Variants in LDLRAD3 observed in about 807,000 individuals in gnomAD.
The protein encoded by LDLRAD3 is low-density lipoprotein receptor class A domain-containing protein 3.
Under a neutral mutation model 29.4 loss-of-function variants are expected in LDLRAD3, and 20 were observed. That is an observed-to-expected ratio of 0.68 (90% CI 0.48 to 0.99). The LOEUF (loss-of-function observed/expected upper bound fraction) is 0.99. LDLRAD3 is among the 50% of genes least tolerant of loss of function. LDLRAD3 has a pLI of 0.00. For missense variants in LDLRAD3, 420 were observed against 454.3 expected (o/e 0.92, Z 0.69); for synonymous variants, 157 against 192.7 (o/e 0.81, Z 1.53).
chr11:36,068,641 C>T (rs570149852), intron 2 of LDLRAD3, among the ~76,000 whole-genome samples: 1 of 152,120 alleles, frequency 6.6e-6, no homozygotes, highest in Admixed American at 6.5e-5. Flanking sequence ...CTCAACCTCC[C>T]GAGTAGCTGG....
chr11:36,012,177 C>T (rs1229054081), intron 1 of LDLRAD3, among the ~76,000 whole-genome samples: 3 of 152,094 alleles, frequency 2.0e-5, no homozygotes, highest in South Asian at 4.1e-4. Flanking sequence ...GAATATAGTA[C>T]CAAATTGCTG....
chr11:36,111,872 C>G (rs550987927), intron 4 of LDLRAD3, among the ~76,000 whole-genome samples: 1 of 152,248 alleles, frequency 6.6e-6, no homozygotes, highest in African/African-American at 2.4e-5. Flanking sequence ...GTTGGGGTTA[C>G]AGGCGTGAGC....
At chr11:36,140,248 A>G (rs1854061607) in intron 4 of LDLRAD3, among the ~76,000 whole-genome samples, 1 of 152,318 alleles carries the variant, frequency 6.6e-6, no homozygotes, top group South Asian at 2.1e-4. Context: ...TTCTTCTAGT[A>G]GGCAGGGCAA....
intron 4 of LDLRAD3, among the ~76,000 whole-genome samples, chr11:36,175,453 T>C (rs1224503438): frequency 2.6e-5 from 4 of 152,228 alleles, no homozygotes; most frequent in Non-Finnish European, 5.9e-5. Context: ...TTTAATGCTA[T>C]GAACTTTCCT....
At chr11:36,170,344 A>G (rs111448519) in intron 4 of LDLRAD3, among the ~76,000 whole-genome samples, 1,637 of 150,158 alleles carry the variant, frequency 0.011, 33 homozygotes, top group African/African-American at 0.037. Flanking sequence ...GTATATACGT[A>G]TATATACATA....
Position 35,944,328 on chromosome 11 carries a change from G to C in LDLRAD3, c.46+184G>C, listed in dbSNP as rs377332474. ...CTGCCGAGGGGCCGCCGCGGGGTGC[G>C]AGCCGTCCTATTGTGTGGGCGTGCG... On this transcript the variant is annotated intron_variant, in intron 1 of 5. Transcript: ENST00000315571. This position sits in a 1 kb window ranked among gnomAD's most constrained non-coding sequence, Gnocchi z 4.9. Among the ~76,000 whole-genome samples the C allele has an allele frequency of 6.6e-6, 1 of 151,794 alleles. No homozygotes were observed. The highest frequency in any genetic ancestry group is 1.5e-5 in the Non-Finnish European group (1 of 67,890).
intron 3 of LDLRAD3, among the ~76,000 whole-genome samples, chr11:36,085,134 T>C (rs1261546699): frequency 6.6e-6 from 1 of 152,214 alleles, no homozygotes; most frequent in East Asian, 1.9e-4. Flanking sequence ...ACAAATTATG[T>C]TAGCTTGCCT....
chr11:36,001,347 C>T (rs61879134), intron 1 of LDLRAD3, among the ~76,000 whole-genome samples: 5,129 of 152,280 alleles, frequency 0.034, 96 homozygotes, highest in Middle Eastern at 0.089. Flanking sequence ...TGCTATCCCT[C>T]CCCGCTCCCC....
At chr11:36,167,021 A>G (rs1318668385) in intron 4 of LDLRAD3, among the ~76,000 whole-genome samples, 1 of 152,210 alleles carries the variant, frequency 6.6e-6, no homozygotes, top group African/African-American at 2.4e-5. Context: ...AGATGGTTTT[A>G]TGGTCAACAT....
chr11:36,175,183 A>G (rs1160914506), intron 4 of LDLRAD3, among the ~76,000 whole-genome samples: 2 of 151,964 alleles, frequency 1.3e-5, no homozygotes, highest in African/African-American at 4.8e-5. Context: ...TCTTAATTGA[A>G]CCTATTTGGA....
intron 4 of LDLRAD3, among the ~76,000 whole-genome samples, chr11:36,207,185 A>C (rs1010893040): frequency 2.6e-5 from 4 of 152,188 alleles, no homozygotes; most frequent in Admixed American, 1.3e-4. Flanking sequence ...CTCACTGGCT[A>C]TCTGTTTGCT....
At chr11:36,084,370 G>C (rs1165665101) in intron 3 of LDLRAD3, among the ~76,000 whole-genome samples, 1 of 152,164 alleles carries the variant, frequency 6.6e-6, no homozygotes, top group Non-Finnish European at 1.5e-5. Flanking sequence ...CTTAACCCTA[G>C]CTACTCCAGA....
intron 4 of LDLRAD3, among the ~76,000 whole-genome samples, chr11:36,163,772 G>C (rs1450993679): frequency 6.6e-6 from 1 of 152,126 alleles, no homozygotes; most frequent in Non-Finnish European, 1.5e-5. Flanking sequence ...AGAAGGGCAG[G>C]AAGAAAGAAA....
At chr11:36,012,126 C>T (rs1168981667) in intron 1 of LDLRAD3, among the ~76,000 whole-genome samples, 2 of 152,238 alleles carry the variant, frequency 1.3e-5, no homozygotes, top group Non-Finnish European at 2.9e-5. Flanking sequence ...CCCTTATCTT[C>T]GGGGGGTACA....
rs756094203 is a variant in LDLRAD3, at chr11:36,179,358, C to G, written c.455-47727C>G. On this transcript the variant is annotated intron_variant, in intron 4 of 5. Transcript: ENST00000315571. Reference sequence around the variant, plus strand: ...GAGTGGTAGCAGGTGCCTGTAATTCCAGCTACTTGAGAGGCTGAGGTAGGA... The same window carrying G: ...GAGTGGTAGCAGGTGCCTGTAATTCGAGCTACTTGAGAGGCTGAGGTAGGA... Among the ~76,000 whole-genome samples, 4 of 152,110 alleles carry G rather than the reference C, an allele frequency of 2.6e-5. No individual in the cohort carries two copies. The East Asian group carries it at 7.7e-4, about 29-fold the overall frequency.
chr11:36,201,791 T>C (rs896725590), intron 4 of LDLRAD3, among the ~76,000 whole-genome samples: 15 of 152,194 alleles, frequency 9.9e-5, no homozygotes, highest in South Asian at 4.1e-4. Context: ...TACCCCAAAA[T>C]ATAAAAGAGG....
intron 4 of LDLRAD3, among the ~76,000 whole-genome samples, chr11:36,170,567 T>C (rs913701078): frequency 2.0e-5 from 3 of 152,102 alleles, no homozygotes; most frequent in Non-Finnish European, 4.4e-5. Context: ...TTTAGTTCTT[T>C]AAGGAATCTC....
intron 1 of LDLRAD3, among the ~76,000 whole-genome samples, chr11:36,028,524 C>G (rs1033488345): frequency 6.6e-6 from 1 of 152,136 alleles, no homozygotes; most frequent in African/African-American, 2.4e-5. Context: ...TGCTTGTAGA[C>G]ACTCTTCTGA....
At chr11:36,010,793 T>C (rs942120041) in intron 1 of LDLRAD3, among the ~76,000 whole-genome samples, 1 of 152,154 alleles carries the variant, frequency 6.6e-6, no homozygotes, top group East Asian at 1.9e-4. Flanking sequence ...TGGAATAAAT[T>C]TCCCCCTCCT....
Sources: allele counts gnomAD v4.1 joint callset (sites outside exome capture counted in the v4.1 genomes callset), GRCh38; gene constraint gnomAD v4.1.1; non-coding constraint Gnocchi (gnomAD v3.1); transcripts MANE v1.5; gene names NCBI Gene and HGNC (gene_info 2026-07-23, HGNC 2026-07-21).